The following HCFC1 variants were observed in gnomAD, a reference collection of about 807,000 sequenced individuals.
HCFC1 encodes the protein host cell factor 1.
HCFC1 carries 7 observed loss-of-function variants against 105.5 expected under a neutral mutation model. The observed-to-expected ratio is 0.07, with a 90% confidence interval of 0.04 to 0.12. HCFC1 has a LOEUF of 0.12. HCFC1 is among the 10% of genes least tolerant of loss of function. The pLI, the probability that HCFC1 is intolerant of heterozygous loss-of-function variation, is 1.00. For missense variants in HCFC1, 1,065 were observed against 1,823.6 expected (o/e 0.58, Z 7.58); for synonymous variants, 918 against 828.1 (o/e 1.11, Z -1.86).
chrX:153,950,740 C>A (rs986383327), intron 23 of HCFC1, 73 bp downstream of exon 23: 12 of 1,058,128 alleles, frequency 1.1e-5, no homozygotes, highest in Admixed American at 7.0e-5. Context: ...CTATGCCCCC[C>A]CCCGGCCACC....
chrX:153,952,132 C>T lies in HCFC1; in HGVS notation c.4969G>A (p.Glu1657Lys), dbSNP rs868930050. The T allele has an allele frequency of 4.4e-6, 5 of 1,129,574 alleles. No homozygotes were observed. Among genetic ancestry groups the T allele is most frequent in the African/African-American group, 1.8e-5 (1 of 56,074 alleles). The allele number at this position is 1,129,574 out of a possible 1,213,427, so 93.1% of individuals were successfully genotyped here. Residue 1657 changes from glutamate (E) to lysine (K), a missense_variant, in exon 20 of 26, where the codon GAG becomes AAG. By Grantham distance (56) the Glu-to-Lys change is moderately conservative. This residue lies in a region of HCFC1 where 115 missense variants were observed against 143.7 expected (regional missense o/e 0.80). Transcript: ENST00000310441. ...MGTGEPMDTS[E>K]AAATVTQAEL... ...GCCTGAGTCACGGTTGCTGCTGCCTCGGAGGTGTCCATGGGCTCGCCGGTG... is the reference window on the plus strand; with the variant it reads ...GCCTGAGTCACGGTTGCTGCTGCCTTGGAGGTGTCCATGGGCTCGCCGGTG...
chrX:153,954,749 T>C lies in HCFC1; in HGVS notation c.3650A>G (p.Lys1217Arg), dbSNP rs782252923. The C allele has an allele frequency of 1.5e-5, 18 of 1,173,852 alleles. No homozygotes were observed. The highest frequency in any genetic ancestry group is 8.9e-5 in the African/African-American group (5 of 56,395). The change falls in exon 17 of 26, where the codon AAA becomes AGA. Residue 1217 changes from lysine to arginine, a missense_variant. By Grantham distance (26) the Lys-to-Arg change is conservative (BLOSUM62 2). Transcript: ENST00000310441. ...AFVQLAPLSS[K>R]VRLSSPSIKD... ...AATGCTTGGGCTGCTCAGCCTGACT[T>C]TGCTGCTCAGAGGGGCCAACTGCAC...
Position 153,950,558 on chromosome X carries a change from G to A in HCFC1, c.5704-15C>T. 8.7e-7 allele frequency: 1 copy of A among 1,145,255 alleles called. No homozygotes were observed. Among genetic ancestry groups the A allele is most frequent in the Non-Finnish European group, 1.2e-6 (1 of 860,829 alleles). The allele number at this position is 1,145,255 out of a possible 1,213,427, so 94.4% of individuals were successfully genotyped here. A position where few individuals can be genotyped will look rare whatever the true frequency, so the allele number is the denominator to read the frequency against. On this transcript the variant is annotated splice_polypyrimidine_tract_variant and intron_variant, in intron 23 of 25. Transcript: ENST00000310441. ...CCATCCGGACTCTAGAAGCCAGGGG[G>A]TCAGAAGGTCAACAGAACAGGCTAG... is the stretch of plus-strand genomic sequence containing the variant.
At position 153,964,204 on chromosome X, in the gene HCFC1, G is replaced by A. The variant is rs782129220; in HGVS notation, c.423C>T (p.Ser141=). 1.7e-6 allele frequency: 2 copies of A among 1,207,703 alleles called. No individual in the cohort carries two copies. Among genetic ancestry groups the A allele is most frequent in the Admixed American group, 4.4e-5 (2 of 45,916 alleles). The part of the protein sequence containing the change: ...GPPPCPRLGH[S]FSLVGNKCYL... Reference sequence around the variant, plus strand: ...AGCATTTGTTGCCCACAAGGGAGAAGCTGTGCCCGAGTCGAGGACACGGAG... The same window carrying A: ...AGCATTTGTTGCCCACAAGGGAGAAACTGTGCCCGAGTCGAGGACACGGAG... The change falls in exon 3 of 26, where the codon AGC becomes AGT. Residue 141 remains serine, a synonymous_variant. Transcript: ENST00000310441.
Position 153,952,575 on chromosome X carries a change from C to T in HCFC1, c.4881G>A (p.Thr1627=), listed in dbSNP as rs368086196. The T allele has an allele frequency of 6.7e-6, 8 of 1,199,408 alleles. No individual in the cohort carries two copies. The highest frequency in any genetic ancestry group is 1.8e-5 in the South Asian group (1 of 55,225). Residue 1627 remains threonine (T), a synonymous_variant, in exon 19 of 26, where the codon ACG becomes ACA. Transcript: ENST00000310441. ...AAEAAAQAAA[T]EEAQALAIQA... is the part of the protein sequence containing the mutation. The stretch of plus-strand genomic sequence containing the variant: ...GGATGGCCAGGGCCTGGGCTTCCTC[C>T]GTGGCTGCGGCCTGGGCAGCTGCTT...
rs1557116916 is a variant in HCFC1 at position 153,961,528 on chromosome X, C to T, written c.904+14G>A. ...AGCCTCCCACAGGCCACTCGGAGCC[C>T]GAGGAGGCCATACCCAGGTTGAGAC... On this transcript the variant is annotated intron_variant, in intron 6 of 25. Coordinates refer to ENST00000310441, the MANE Select transcript of HCFC1 (RefSeq NM_005334.3). 5 of 1,155,565 alleles carry T rather than the reference C, an allele frequency of 4.3e-6. No homozygotes were observed. The highest frequency in any genetic ancestry group is 3.0e-5 in the East Asian group (1 of 33,490).
intron 11 of HCFC1, 52 bp from the exon 12 acceptor site, chrX:153,957,938 T>C (rs1308087798): frequency 1.7e-6 from 2 of 1,153,991 alleles, no homozygotes; most frequent in Non-Finnish European, 2.4e-6. Flanking sequence ...AACAAGGGCA[T>C]GGCCTGGCTG....
At chrX:153,949,882 C>T (rs1603293970) in intron 24 of HCFC1, among the ~76,000 whole-genome samples, 2 of 112,314 alleles carry the variant, frequency 1.8e-5, no homozygotes, top group African/African-American at 6.5e-5. Context: ...TCCCAGAGCC[C>T]CAGGGGAGCT....
In HCFC1 at chrX:153,970,925, A is replaced by C. The variant is rs2065526740; in HGVS notation, c.-85T>G. 6 of 836,566 alleles carry C rather than the reference A, an allele frequency of 7.2e-6. No homozygotes were observed. Among genetic ancestry groups the C allele is most frequent in the Non-Finnish European group, 9.9e-6 (6 of 608,297 alleles). 68.9% of individuals were successfully genotyped at this position (836,566 alleles called of 1,213,427 possible). A position where few individuals can be genotyped will look rare whatever the true frequency, so the allele number is the denominator to read the frequency against. On this transcript the variant is annotated 5_prime_UTR_variant, in exon 1 of 26. Coordinates refer to ENST00000310441, the MANE Select transcript of HCFC1 (RefSeq NM_005334.3). ...CCTTTCACACACCCCCTTTCGTCTA[A>C]GGCAGCTCTCACGGAGAAGCGGTTT...
Position 153,959,883 on chromosome X carries a change from G to A in HCFC1, c.1363C>T (p.Pro455Ser). The A allele has an allele frequency of 5.8e-6, 7 of 1,199,814 alleles. No homozygotes were observed. Among genetic ancestry groups the A allele is most frequent in the Non-Finnish European group, 7.9e-6 (7 of 887,683 alleles). ...ACCTGGATGGTGGTGGTGGTCGGGG[G>A]TGCGGGGGCAGCCTGGGGCAGGAGC... is the stretch of plus-strand genomic sequence containing the variant. ...ITLLPQAAPA[P>S]PTTTTIQVLP... The change falls in exon 8 of 26, where the codon CCC becomes TCC. Residue 455 changes from proline to serine, a missense_variant. Transcript: ENST00000310441.
intron 14 of HCFC1, 25 bp downstream of exon 14, chrX:153,956,893 T>A (rs1557115181): frequency 1.3e-5 from 16 of 1,209,940 alleles, no homozygotes; most frequent in Non-Finnish European, 1.8e-5. Flanking sequence ...GACACTGGGC[T>A]GAGAGACGGC....
intron 3 of HCFC1, 128 bp downstream of exon 3, chrX:153,963,996 C>T (rs1395179184): frequency 5.7e-5 from 30 of 528,148 alleles, no homozygotes; most frequent in Middle Eastern, 1.1e-3. Flanking sequence ...CTCTCATTTA[C>T]AACCCAGCAC....
In HCFC1 at chrX:153,958,396, C is replaced by G. The variant is rs1397275729; in HGVS notation, c.1804-147G>C. On this transcript the variant is annotated intron_variant, in intron 10 of 25. Coordinates refer to ENST00000310441, the MANE Select transcript of HCFC1 (RefSeq NM_005334.3). ...CAAGCCCAAGAACAGCTTGGTTCCCCCTTCCTTTAACAGGCAAGGGAGGAG... is the reference window on the plus strand; with the variant it reads ...CAAGCCCAAGAACAGCTTGGTTCCCGCTTCCTTTAACAGGCAAGGGAGGAG... 2.6e-5 allele frequency: 18 copies of G among 683,330 alleles called. 1 individual carries two copies. In the Admixed American group the frequency reaches 5.0e-4, roughly 19 times the overall value. The allele number at this position is 683,330 out of a possible 1,213,427, so 56.3% of individuals were successfully genotyped here. A position where few individuals can be genotyped will look rare whatever the true frequency, so the allele number is the denominator to read the frequency against.
intron 3 of HCFC1, 58 bp downstream of exon 3, chrX:153,964,066 C>A: frequency 1.9e-6 from 2 of 1,031,858 alleles, no homozygotes; most frequent in South Asian, 4.5e-5. Flanking sequence ...CCATGGAGCC[C>A]TGTGCATGTG....
Position 153,971,385 on chromosome X carries a change from C to G in HCFC1, c.-545G>C. 2 of 294,565 alleles carry G rather than the reference C, an allele frequency of 6.8e-6. No homozygotes were observed. Among genetic ancestry groups the G allele is most frequent in the Non-Finnish European group, 1.2e-5 (2 of 168,892 alleles). 24.3% of individuals were successfully genotyped at this position (294,565 alleles called of 1,213,427 possible). On this transcript the variant is annotated 5_prime_UTR_variant, in exon 1 of 26. Coordinates refer to ENST00000310441, the MANE Select transcript of HCFC1 (RefSeq NM_005334.3). ...CGCCATCTTGAGACCGTCCCGCTTC[C>G]CCGCCCAGCGCCTTAGTGCAGCCGC...
chrX:153,963,826 T>C (rs1020207310), intron 3 of HCFC1, among the ~76,000 whole-genome samples: 1 of 112,051 alleles, frequency 8.9e-6, no homozygotes, highest in Non-Finnish European at 1.9e-5. Flanking sequence ...CAGCGGAGGC[T>C]GAGAAGGAAC....
chrX:153,950,613 C>T (rs1024412401), intron 23 of HCFC1, 70 bp from the exon 24 acceptor site: 39 of 995,861 alleles, frequency 3.9e-5, no homozygotes, highest in Middle Eastern at 5.8e-4. Context: ...ATCATGGTTC[C>T]CATAAGCCAT....
rs2065285924 is a variant in HCFC1 at position 153,949,238 on chromosome X, C to T, written c.*109G>A. 5 of 497,695 alleles carry T rather than the reference C, an allele frequency of 1.0e-5. No homozygotes were observed. Among genetic ancestry groups the T allele is most frequent in the East Asian group, 3.9e-5 (1 of 25,840 alleles). The allele number at this position is 497,695 out of a possible 1,213,427, so 41.0% of individuals were successfully genotyped here. On this transcript the variant is annotated 3_prime_UTR_variant, in exon 26 of 26. Coordinates refer to ENST00000310441, the MANE Select transcript of HCFC1 (RefSeq NM_005334.3). ...AAGGGGAGAGGAGTGAACAGCGGCT[C>T]GCGAGGGTGAAGTGCGAATGCTGGG...
In HCFC1 at chrX:153,952,644, T is replaced by C. The variant is rs2065324435; in HGVS notation, c.4812A>G (p.Val1604=). The C allele has an allele frequency of 6.6e-6, 8 of 1,210,628 alleles. No individual in the cohort carries two copies. The highest frequency in any genetic ancestry group is 8.9e-6 in the Non-Finnish European group (8 of 895,149). Residue 1604 remains valine (V), a synonymous_variant, in exon 19 of 26, where the codon GTA becomes GTG. Coordinates refer to ENST00000310441, the MANE Select transcript of HCFC1 (RefSeq NM_005334.3). ...CCAGCTCCTCGGGGGTGAGCCCCGT[T>C]ACCATGAGGGTGGTGGTGCCAGCTT... is the stretch of plus-strand genomic sequence containing the variant. ...EAQAGTTTLM[V]TGLTPEELAV...
Sources: allele counts gnomAD v4.1 joint callset (sites outside exome capture counted in the v4.1 genomes callset), GRCh38; gene constraint gnomAD v4.1.1; regional missense constraint gnomAD v4.1.1; transcripts MANE v1.5; gene names NCBI Gene and HGNC (gene_info 2026-07-23, HGNC 2026-07-21).